Variants in IL16 observed in about 807,000 individuals in gnomAD.
IL16 encodes interleukin 16, also known as pro-interleukin-16.
Under a neutral mutation model 110.1 loss-of-function variants are expected in IL16, and 67 were observed. The observed-to-expected ratio is 0.61, with a 90% confidence interval of 0.50 to 0.75. IL16 has a LOEUF of 0.75. IL16 is among the 30% of genes least tolerant of loss of function. The pLI, the probability that IL16 is intolerant of heterozygous loss-of-function variation, is 0.00. For missense variants in IL16, 1,545 were observed against 1,655.0 expected (o/e 0.93, Z 1.15); for synonymous variants, 689 against 662.9 (o/e 1.04, Z -0.61).
At chr15:81,252,679 A>G (rs1443712400) in intron 2 of IL16, among the ~76,000 whole-genome samples, 1 of 152,122 alleles carries the variant, frequency 6.6e-6, no homozygotes, top group African/African-American at 2.4e-5. Flanking sequence ...CCACTAATCC[A>G]CTTTCTATCT....
intron 8 of IL16, 24 bp downstream of exon 8, chr15:81,279,798 C>T (rs1264751132): frequency 4.4e-6 from 7 of 1,598,802 alleles, no homozygotes; most frequent in East Asian, 4.5e-5. Context: ...AGCTGTGTCC[C>T]GTGCCTGGGT....
intron 2 of IL16, among the ~76,000 whole-genome samples, chr15:81,246,235 A>G (rs1897543308): frequency 6.6e-6 from 1 of 151,450 alleles, no homozygotes; most frequent in Non-Finnish European, 1.5e-5. Context: ...GAATTTTAAC[A>G]TATGCAGGGT....
intron 1 of IL16, among the ~76,000 whole-genome samples, chr15:81,221,326 G>GC (rs1164708792): frequency 6.6e-6 from 1 of 152,150 alleles, no homozygotes; most frequent in Non-Finnish European, 1.5e-5. Flanking sequence ...CTTGTGGAGG[G>GC]CCCACCAGAG....
At chr15:81,273,427 G>A (rs1898739021) in intron 6 of IL16, among the ~76,000 whole-genome samples, 1 of 152,272 alleles carries the variant, frequency 6.6e-6, no homozygotes, top group Non-Finnish European at 1.5e-5. Flanking sequence ...TTTAGCCCCT[G>A]GCACCGTTAC....
At chr15:81,281,208 A>G (rs1469862642) in intron 8 of IL16, among the ~76,000 whole-genome samples, 1 of 152,230 alleles carries the variant, frequency 6.6e-6, no homozygotes, top group Admixed American at 6.5e-5. Context: ...GGCCTCCCTC[A>G]TGGGACTGCT....
rs751056524 is a variant in IL16 at position 81,306,097 on chromosome 15, C to A, written c.3610C>A (p.Pro1204Thr). The A allele has an allele frequency of 1.2e-6, 2 of 1,614,156 alleles. No homozygotes were observed. The highest frequency in any genetic ancestry group is 2.2e-5 in the South Asian group (2 of 91,084). The part of the protein sequence containing the change: ...VTRKLTPEAM[P>T]DLNSSTDSAA... Reference sequence around the variant, plus strand: ...AAGGAAGCTGACTCCAGAGGCCATGCCCGACCTCAACTCCTCCACTGACTC... The same window carrying A: ...AAGGAAGCTGACTCCAGAGGCCATGACCGACCTCAACTCCTCCACTGACTC... Residue 1204 changes from proline (P) to threonine (T), a missense_variant, in exon 17 of 19, where the codon CCC becomes ACC. Pro to Thr is a conservative substitution (Grantham distance 38, BLOSUM62 -1). Coordinates refer to ENST00000683961, the MANE Select transcript of IL16 (RefSeq NM_172217.5).
chr15:81,202,056 T>G (rs1271212053), intron 1 of IL16, among the ~76,000 whole-genome samples: 1 of 152,266 alleles, frequency 6.6e-6, no homozygotes, highest in East Asian at 1.9e-4. Context: ...GTACAGTATG[T>G]AAAATGTCTT....
intron 2 of IL16, among the ~76,000 whole-genome samples, chr15:81,244,831 C>G (rs1018753383): frequency 6.6e-6 from 1 of 152,138 alleles, no homozygotes; most frequent in Non-Finnish European, 1.5e-5. Context: ...TATAGTATCA[C>G]AGATCCCTGA....
At chr15:81,251,823 G>GA (rs1204064333) in intron 2 of IL16, among the ~76,000 whole-genome samples, 4 of 151,564 alleles carry the variant, frequency 2.6e-5, no homozygotes, top group African/African-American at 7.3e-5. Flanking sequence ...ACTGTTTCTG[G>GA]AAAAAAATAG....
At chr15:81,243,685 A>G (rs1327999818) in intron 2 of IL16, among the ~76,000 whole-genome samples, 2 of 152,148 alleles carry the variant, frequency 1.3e-5, no homozygotes, top group Non-Finnish European at 2.9e-5. Context: ...ATCTGACCCT[A>G]GAGGTTTATC....
chr15:81,274,434 G>T (rs1229170288), intron 6 of IL16, among the ~76,000 whole-genome samples: 1 of 152,198 alleles, frequency 6.6e-6, no homozygotes, highest in African/African-American at 2.4e-5. Flanking sequence ...CATCTCAGCA[G>T]GGTGCCCCCA....
At chr15:81,211,375 C>T (rs939407259) in intron 1 of IL16, among the ~76,000 whole-genome samples, 1 of 152,120 alleles carries the variant, frequency 6.6e-6, no homozygotes, top group African/African-American at 2.4e-5. Context: ...CCTCAGCCTC[C>T]CAAGTAGCTG....
At chr15:81,186,924 G>T (rs1466385449) in intron 1 of IL16, among the ~76,000 whole-genome samples, 1 of 152,018 alleles carries the variant, frequency 6.6e-6, no homozygotes, top group Non-Finnish European at 1.5e-5. Context: ...ATCCTAAAGT[G>T]CTGAGATTAC....
chr15:81,217,296 TAACA>T (rs1896467943), intron 1 of IL16, among the ~76,000 whole-genome samples: 1 of 152,176 alleles, frequency 6.6e-6, no homozygotes, highest in Admixed American at 6.5e-5. Flanking sequence ...AACTTTATAC[TAACA>T]AACCTGAAAA....
chr15:81,232,042 G>GTTTTTTTTCTTTTT (rs1897009237), intron 2 of IL16, among the ~76,000 whole-genome samples: 4 of 57,688 alleles, frequency 6.9e-5, no homozygotes, highest in Admixed American at 4.8e-4. Context: ...ATTTGTTCTT[G>GTTTTTTTTCTTTTT]TTTTTTTTTT....
In IL16 at chr15:81,259,958, C is replaced by G. The variant is rs532075477; in HGVS notation, c.421+78C>G. The G allele has an allele frequency of 7.7e-6, 7 of 914,198 alleles. No homozygotes were observed. The South Asian group carries it at 9.5e-5, about 12-fold the overall frequency. 56.6% of individuals were successfully genotyped at this position (914,198 alleles called of 1,614,324 possible). A position where few individuals can be genotyped will look rare whatever the true frequency, so the allele number is the denominator to read the frequency against. ...AGCAGGACTATTGGGAGGATAGCGG[C>G]TCTCTTCTGGTCCAGTTGGAGTAAA... On this transcript the variant is annotated intron_variant, in intron 3 of 18. Coordinates refer to ENST00000683961, the MANE Select transcript of IL16 (RefSeq NM_172217.5).
Position 81,300,227 on chromosome 15 carries a change from C to T in IL16, c.2901C>T (p.Phe967=). The change falls in exon 14 of 19, where the codon TTC becomes TTT. Residue 967 remains phenylalanine (F), a synonymous_variant. Transcript: ENST00000683961. The part of the protein sequence containing the change: ...LKMPSQRARS[F]PLTRSQSCET... ...TGCCTAGCCAGCGAGCACGGAGCTT[C>T]CCCCTGACCAGGTCCCAGTCCTGTG... 1 of 1,614,232 alleles carries T rather than the reference C, an allele frequency of 6.2e-7. No homozygotes were observed. Among genetic ancestry groups the T allele is most frequent in the African/African-American group, 1.3e-5 (1 of 75,062 alleles).
intron 3 of IL16, among the ~76,000 whole-genome samples, chr15:81,262,759 C>T (rs1168337418): frequency 6.6e-6 from 1 of 152,066 alleles, no homozygotes; most frequent in African/African-American, 2.4e-5. Flanking sequence ...TAGAGAAACC[C>T]TGTCTCTACT....
At chr15:81,211,340 C>T (rs796242278) in intron 1 of IL16, among the ~76,000 whole-genome samples, 1 of 152,074 alleles carries the variant, frequency 6.6e-6, no homozygotes, top group Non-Finnish European at 1.5e-5. Flanking sequence ...CAACCTCCAC[C>T]TCCCAGGTTC....
Sources: allele counts gnomAD v4.1 joint callset (sites outside exome capture counted in the v4.1 genomes callset), GRCh38; gene constraint gnomAD v4.1.1; transcripts MANE v1.5; gene names NCBI Gene and HGNC (gene_info 2026-07-23, HGNC 2026-07-21).